The following PPY variants were observed in gnomAD, a reference collection of about 807,000 sequenced individuals.
PPY encodes pancreatic polypeptide prohormone.
Under a neutral mutation model 9.3 loss-of-function variants are expected in PPY, and 6 were observed. The observed-to-expected ratio is 0.64, with a 90% confidence interval of 0.35 to 1.27. The LOEUF (loss-of-function observed/expected upper bound fraction) is 1.27, where lower values mean the gene tolerates loss of function less well. Ranked by LOEUF, PPY falls within the 50% of genes most tolerant of loss-of-function variation. The probability of loss-of-function intolerance (pLI) is 0.03; values close to 1 mark genes in which losing one functional copy is unlikely to be tolerated. For synonymous variants in PPY, 58 were observed against 54.6 expected, an observed-to-expected ratio of 1.06 and a Z score of -0.27; for missense variants, 109 against 119.1, an observed-to-expected ratio of 0.91 and a Z score of 0.40.
chr17:43,941,079 C>T, intron 3 of PPY, 64 bp downstream of exon 3: 1 of 1,546,752 alleles, frequency 6.5e-7, no homozygotes, highest in Non-Finnish European at 8.8e-7. Context: ...AGCCCTGATT[C>T]AGTCCCACCA....
upstream of PPY, among the ~76,000 whole-genome samples, chr17:43,944,120 G>A (rs1165554875): frequency 3.9e-5 from 6 of 152,232 alleles, no homozygotes; most frequent in Non-Finnish European, 5.9e-5. Context: ...GCTGGTCTCA[G>A]CCTGGCCTTG....
In PPY at chr17:43,941,727, C is replaced by T. The variant is rs1029802967; in HGVS notation, c.1-73G>A. On this transcript the variant is annotated intron_variant, in intron 1 of 3. Transcript: ENST00000225992. Reference sequence around the variant, plus strand: ...CCCGTGCCCAGGAAGCAGGGCCCAACTATCCAGCCCCTTAGCCCATCATCC... The same window carrying T: ...CCCGTGCCCAGGAAGCAGGGCCCAATTATCCAGCCCCTTAGCCCATCATCC... The T allele has an allele frequency of 4.8e-5, 67 of 1,408,052 alleles. No homozygotes were observed. The Admixed American group carries it at 1.2e-3, about 25-fold the overall frequency. 87.2% of individuals were successfully genotyped at this position (1,408,052 alleles called of 1,614,324 possible).
intron 3 of PPY, 51 bp from the exon 4 acceptor site, chr17:43,941,003 T>C (rs1269757103): frequency 1.5e-5 from 24 of 1,577,194 alleles, no homozygotes; most frequent in African/African-American, 2.7e-5. Context: ...CCTCGTGCCC[T>C]CAGGAGGCCT....
At chr17:43,943,845 G>A (rs2048593499), upstream of PPY, among the ~76,000 whole-genome samples, 2 of 152,142 alleles carry the variant, frequency 1.3e-5, no homozygotes, top group Non-Finnish European at 2.9e-5. Context: ...AATTTCTTTA[G>A]CCTCTCTGAG....
At position 43,941,107 on chromosome 17, in the gene PPY, GGGAGCT is replaced by G. The variant is rs1344359489; in HGVS notation, c.263+30_263+35del. 3 of 1,549,924 alleles carry G rather than the reference GGGAGCT, an allele frequency of 1.9e-6. No individual in the cohort carries two copies. The Admixed American group carries it at 5.9e-5, about 30-fold the overall frequency. On this transcript the variant is annotated intron_variant, in intron 3 of 3. Transcript: ENST00000225992. ...TCCCACCACCCCCATTTCAGCTCCA[GGGAGCT>G]GGACAGACAGGGCAGGGAGTCAAAC...
chr17:43,941,243 C>T, intron 2 of PPY, 29 bp from the exon 3 acceptor site: 1 of 1,549,984 alleles, frequency 6.5e-7, no homozygotes, highest in Non-Finnish European at 8.7e-7. Flanking sequence ...CAGGGGCAAG[C>T]ACTGTGCCCA....
Position 43,941,232 on chromosome 17 carries a change from G to A in PPY, c.192-18C>T, listed in dbSNP as rs2048575031. ...TCCCATACCTGGGAGGGAAGAGGCA[G>A]CAGGGGCAAGCACTGTGCCCAGGTG... On this transcript the variant is annotated intron_variant, in intron 2 of 3. Transcript: ENST00000225992. 6.4e-7 allele frequency: 1 copy of A among 1,551,080 alleles called. No homozygotes were observed. The highest frequency in any genetic ancestry group is 8.7e-7 in the Non-Finnish European group (1 of 1,146,852).
upstream of PPY, among the ~76,000 whole-genome samples, chr17:43,943,699 G>C (rs1179556290): frequency 1.3e-5 from 2 of 152,198 alleles, no homozygotes; most frequent in African/African-American, 4.8e-5. Context: ...CAAGAAGTTG[G>C]GAGATGGGGG....
chr17:43,943,521 C>T (rs747590724), upstream of PPY, among the ~76,000 whole-genome samples: 46 of 152,164 alleles, frequency 3.0e-4, no homozygotes, highest in Non-Finnish European at 5.1e-4. Flanking sequence ...CCATCCCCAC[C>T]AGAAGCCCCT....
At chr17:43,943,263 C>A (rs1302940359), upstream of PPY, among the ~76,000 whole-genome samples, 1 of 152,174 alleles carries the variant, frequency 6.6e-6, no homozygotes, top group African/African-American at 2.4e-5. Flanking sequence ...ACCCATTTTA[C>A]AGATTCAGGA....
chr17:43,941,795 C>T (rs1800353511), intron 1 of PPY, 141 bp from the exon 2 acceptor site: 2 of 931,826 alleles, frequency 2.1e-6, no homozygotes, highest in African/African-American at 3.3e-5. Flanking sequence ...CAAAGGGCCA[C>T]TCCAAGCTGG....
Position 43,941,606 on chromosome 17 carries a change from C to T in PPY, c.49G>A (p.Val17Met), listed in dbSNP as rs760731748. 17 of 1,613,208 alleles carry T rather than the reference C, an allele frequency of 1.1e-5. No individual in the cohort carries two copies. The highest frequency in any genetic ancestry group is 1.3e-5 in the African/African-American group (1 of 74,900). ...CLSLLLLSTCVALLLQPLLGA... is the reference protein window; with the variant it reads ...CLSLLLLSTCMALLLQPLLGA... ...AGCAGTGGCTGTAGTAACAGAGCCA[C>T]GCAGGTGGACAGGAGCAGCAGGGAG... is the stretch of plus-strand genomic sequence containing the variant. The change falls in exon 2 of 4, where the codon GTG becomes ATG. Residue 17 changes from valine to methionine, a missense_variant. By Grantham distance (21) the Val-to-Met change is conservative. Transcript: ENST00000225992.
Position 43,940,887 on chromosome 17 carries a change from G to A in PPY, c.*41C>T. The A allele has an allele frequency of 6.3e-7, 1 of 1,591,146 alleles. No individual in the cohort carries two copies. The highest frequency in any genetic ancestry group is 8.6e-7 in the Non-Finnish European group (1 of 1,168,492). The stretch of plus-strand genomic sequence containing the variant: ...CCAAGGGTGCAGAGGGGAGAGCTGG[G>A]CTGGCGCTGCTCATGGAGTCGTAGG... On this transcript the variant is annotated 3_prime_UTR_variant, in exon 4 of 4. Transcript: ENST00000225992.
upstream of PPY, among the ~76,000 whole-genome samples, chr17:43,943,381 G>A (rs751230811): frequency 3.9e-5 from 6 of 152,202 alleles, no homozygotes; most frequent in Middle Eastern, 3.4e-3. Flanking sequence ...AAGTGGGGCC[G>A]TCAAAGTATT....
rs1398482896 is a variant in PPY at position 43,941,214 on chromosome 17, C to T, written c.192G>A (p.Arg64=). The change falls in exon 3 of 4, where the codon AGG becomes AGA. Residue 64 remains arginine, a splice_region_variant and synonymous_variant. Coordinates refer to ENST00000225992, the MANE Select transcript of PPY (RefSeq NM_002722.5). ...RRYINMLTRP[R]YGKRHKEDTL... ...TGTCCTCTTTGTGTCTTTTCCCATA[C>T]CTGGGAGGGAAGAGGCAGCAGGGGC... The T allele has an allele frequency of 6.4e-7, 1 of 1,551,574 alleles. No homozygotes were observed.
chr17:43,941,214 C>A lies in PPY; in HGVS notation c.192G>T (p.Arg64Ser), dbSNP rs1398482896. 1.3e-6 allele frequency: 2 copies of A among 1,551,574 alleles called. No individual in the cohort carries two copies. The highest frequency in any genetic ancestry group is 1.2e-5 in the South Asian group (1 of 84,046). Residue 64 changes from arginine (R) to serine (S), a missense_variant and splice_region_variant, in exon 3 of 4, where the codon AGG becomes AGT. By Grantham distance (110) the Arg-to-Ser change is moderately radical (BLOSUM62 -1). Transcript: ENST00000225992. ...RRYINMLTRP[R>S]YGKRHKEDTL... ...TGTCCTCTTTGTGTCTTTTCCCATACCTGGGAGGGAAGAGGCAGCAGGGGC... is the reference window on the plus strand; with the variant it reads ...TGTCCTCTTTGTGTCTTTTCCCATAACTGGGAGGGAAGAGGCAGCAGGGGC...
upstream of PPY, among the ~76,000 whole-genome samples, chr17:43,943,265 G>A (rs539286751): frequency 2.0e-5 from 3 of 152,264 alleles, no homozygotes; most frequent in African/African-American, 7.2e-5. Context: ...CCATTTTACA[G>A]ATTCAGGATC....
At chr17:43,941,819 T>G (rs570332200) in intron 1 of PPY, among the ~76,000 whole-genome samples, 165 bp from the exon 2 acceptor site, 2 of 152,276 alleles carry the variant, frequency 1.3e-5, no homozygotes, top group East Asian at 3.9e-4. Flanking sequence ...CTCCACCTCC[T>G]AGACACTGCT....
rs145279967 is a variant in PPY, at chr17:43,941,188, G to T, written c.218C>A (p.Thr73Lys). 1.2e-5 allele frequency: 18 copies of T among 1,551,542 alleles called. No homozygotes were observed. In the South Asian group the frequency reaches 2.1e-4, roughly 18 times the overall value. ...GGACCCCCACTCCGAGAAGGCCAGC[G>T]TGTCCTCTTTGTGTCTTTTCCCATA... ...PRYGKRHKEDTLAFSEWGSPH... is the reference protein window; with the variant it reads ...PRYGKRHKEDKLAFSEWGSPH... The change falls in exon 3 of 4, where the codon ACG becomes AAG. Residue 73 changes from threonine (T) to lysine (K), a missense_variant. Coordinates refer to ENST00000225992, the MANE Select transcript of PPY (RefSeq NM_002722.5).
Sources: gnomAD v4.1 joint callset for allele counts (sites outside exome capture counted in the v4.1 genomes callset) on GRCh38, gnomAD v4.1.1 for gene constraint, MANE v1.5 for transcripts, NCBI Gene and HGNC (gene_info 2026-07-23, HGNC 2026-07-21) for gene names.